The following CD226 variants were observed in gnomAD, a reference collection of about 807,000 sequenced individuals.
CD226 encodes the protein CD226 antigen.
A neutral mutation model predicts 34.9 loss-of-function variants in CD226; 24 were observed. The observed-to-expected ratio is 0.69, with a 90% CI of 0.50 to 0.97. The LOEUF (loss-of-function observed/expected upper bound fraction) is 0.97. Among genes scored for constraint, CD226 ranks in the 50% least tolerant of loss-of-function variants. CD226 has a pLI of 0.00. For synonymous variants in CD226, 148 were observed against 147.4 expected (o/e 1.00, Z -0.03); for missense variants, 397 against 412.7 (o/e 0.96, Z 0.33).
At chr18:69,929,655 C>A (rs1020299843) in intron 2 of CD226, among the ~76,000 whole-genome samples, 1 of 152,116 alleles carries the variant, frequency 6.6e-6, no homozygotes, top group East Asian at 1.9e-4. Flanking sequence ...CAAGTTCTCT[C>A]TTGGGTTCTG....
intron 2 of CD226, among the ~76,000 whole-genome samples, chr18:69,905,042 C>A (rs2055235012): frequency 6.6e-6 from 1 of 152,188 alleles, no homozygotes; most frequent in South Asian, 2.1e-4. Context: ...TAAGTGCCAG[C>A]ATTAAATGCA....
chr18:69,957,352 T>TC (rs1002976702), upstream of CD226, among the ~76,000 whole-genome samples: 2 of 151,408 alleles, frequency 1.3e-5, no homozygotes, highest in Non-Finnish European at 2.9e-5. Flanking sequence ...TAGATACTCT[T>TC]TTTTTTTTCT....
chr18:69,900,525 G>A (rs1043926372), intron 2 of CD226, among the ~76,000 whole-genome samples: 4 of 151,966 alleles, frequency 2.6e-5, no homozygotes, highest in Non-Finnish European at 2.9e-5. Flanking sequence ...GAGGTCAGGA[G>A]ATCGAGACCA....
intron 2 of CD226, among the ~76,000 whole-genome samples, chr18:69,944,891 A>G (rs1197389048): frequency 1.3e-5 from 2 of 152,256 alleles, no homozygotes; most frequent in African/African-American, 4.8e-5. Context: ...TATAAGCCTC[A>G]GCTATATACA....
intron 2 of CD226, among the ~76,000 whole-genome samples, chr18:69,899,126 A>G (rs956949138): frequency 6.6e-5 from 10 of 152,174 alleles, no homozygotes; most frequent in Non-Finnish European, 1.5e-4. Context: ...GCTTGACCAC[A>G]AATCATCCTT....
At chr18:69,914,004 T>A (rs1167974217) in intron 2 of CD226, among the ~76,000 whole-genome samples, 2 of 152,176 alleles carry the variant, frequency 1.3e-5, no homozygotes, top group Non-Finnish European at 2.9e-5. Context: ...TTGGGGGAAA[T>A]GCACTACTTC....
chr18:69,920,697 G>A (rs1415868441), intron 2 of CD226, among the ~76,000 whole-genome samples: 1 of 152,164 alleles, frequency 6.6e-6, no homozygotes, highest in African/African-American at 2.4e-5. Flanking sequence ...TGCAGCGGAT[G>A]TTTATTGAAT....
At chr18:69,892,557 T>C (rs1333434786) in intron 3 of CD226, among the ~76,000 whole-genome samples, 1 of 152,226 alleles carries the variant, frequency 6.6e-6, no homozygotes, top group Non-Finnish European at 1.5e-5. Context: ...GAGAAATGTA[T>C]TTCTTTTCAC....
rs368612906 is a variant in CD226 at position 69,930,612 on chromosome 18, AAAG to A, written c.382+16119_382+16121del. 3.0e-3 allele frequency among the ~76,000 whole-genome samples: 450 copies of A among 152,348 alleles called. 3 individuals are homozygous for A. The highest frequency in any genetic ancestry group is 0.01 in the African/African-American group (418 of 41,584). On this transcript the variant is annotated intron_variant, in intron 2 of 5. Transcript: ENST00000582621. Reference sequence around the variant, plus strand: ...AGGACCTACCTGAAGTGAGAATTAAAAAGAAGACCTTCCTCTTGTCTTGTCGAG... The same window carrying A: ...AGGACCTACCTGAAGTGAGAATTAAAAAGACCTTCCTCTTGTCTTGTCGAG...
In CD226 at chr18:69,905,517, C is replaced by T. The variant is rs1489528890; in HGVS notation, c.383-9472G>A. Among the ~76,000 whole-genome samples the T allele has an allele frequency of 5.3e-5, 8 of 152,162 alleles. No individual in the cohort carries two copies. The South Asian group carries it at 6.2e-4, about 12-fold the overall frequency. The stretch of plus-strand genomic sequence containing the variant: ...TGTCCCTGCCAAGGTGAGTGCACCG[C>T]GGGGCAGAGGGCAGAGAAGGAGAGT... On this transcript the variant is annotated intron_variant, in intron 2 of 5. Coordinates refer to ENST00000582621, the MANE Select transcript of CD226 (RefSeq NM_001303618.2).
chr18:69,949,888 T>G (rs2055834442), upstream of CD226, among the ~76,000 whole-genome samples: 1 of 151,096 alleles, frequency 6.6e-6, no homozygotes, highest in Non-Finnish European at 1.5e-5. Flanking sequence ...ACTGTCTCAC[T>G]CTATCTCAAT....
intron 2 of CD226, among the ~76,000 whole-genome samples, chr18:69,925,914 G>C (rs144564692): frequency 6.6e-6 from 1 of 152,088 alleles, no homozygotes; most frequent in Admixed American, 6.5e-5. Flanking sequence ...AGGCCGAGGC[G>C]GGCAGACCAC....
At position 69,861,637 on chromosome 18, in the gene CD226, T is replaced by C. The variant is rs947442217; in HGVS notation, c.*2677A>G. On this transcript the variant is annotated 3_prime_UTR_variant, in exon 6 of 6. Coordinates refer to ENST00000582621, the MANE Select transcript of CD226 (RefSeq NM_001303618.2). ...TTGTAAAAAGTATCTGTATTTAAAA[T>C]AGAATTTACTGGAATTCTGATCGTT... 6.7e-6 allele frequency: 1 copy of C among 149,688 alleles called. No homozygotes were observed. The highest frequency in any genetic ancestry group is 1.5e-5 in the Non-Finnish European group (1 of 67,456). The allele number at this position is 149,688 out of a possible 1,614,324, so 9.3% of individuals were successfully genotyped here.
intron 2 of CD226, among the ~76,000 whole-genome samples, chr18:69,943,193 A>T (rs976885032): frequency 1.3e-5 from 2 of 152,198 alleles, no homozygotes; most frequent in Admixed American, 6.5e-5. Context: ...CATCCTACAG[A>T]GCAGGCACCC....
chr18:69,881,975 TTTATAGCTAGAAGGTCC>T (rs1984291057), intron 3 of CD226, among the ~76,000 whole-genome samples: 1 of 152,248 alleles, frequency 6.6e-6, no homozygotes, highest in Admixed American at 6.5e-5. Flanking sequence ...CTTTCTGTGT[TTTATAGCTAGAAGGTCC>T]TAGAGTGTAA....
chr18:69,930,789 C>T (rs2055579741), intron 2 of CD226, among the ~76,000 whole-genome samples: 1 of 152,142 alleles, frequency 6.6e-6, no homozygotes, highest in Admixed American at 6.5e-5. Flanking sequence ...GCCTAAATTC[C>T]CATAGTACAG....
At chr18:69,922,284 CGTTT>C (rs1189065026) in intron 2 of CD226, among the ~76,000 whole-genome samples, 3 of 151,992 alleles carry the variant, frequency 2.0e-5, no homozygotes, top group Non-Finnish European at 1.5e-5. Context: ...CTATAATTTT[CGTTT>C]GTTTATTTTT....
In CD226 at chr18:69,864,125, T is replaced by TA. The variant is rs1982982588; in HGVS notation, c.*188dup. The TA allele has an allele frequency of 5.3e-6, 3 of 569,154 alleles. No individual in the cohort carries two copies. Among genetic ancestry groups the TA allele is most frequent in the East Asian group, 3.0e-5 (1 of 33,720 alleles). 35.3% of individuals were successfully genotyped at this position (569,154 alleles called of 1,614,324 possible). A position where few individuals can be genotyped will look rare whatever the true frequency, so the allele number is the denominator to read the frequency against. ...AGTTTTCTTTTGTATATAAACCAGT[T>TA]AGAGTCAGGTTTTCTGAAACAGTTC... On this transcript the variant is annotated 3_prime_UTR_variant, in exon 6 of 6. Coordinates refer to ENST00000582621, the MANE Select transcript of CD226 (RefSeq NM_001303618.2).
At chr18:69,934,970 GC>G (rs1320869308) in intron 2 of CD226, among the ~76,000 whole-genome samples, 1 of 152,136 alleles carries the variant, frequency 6.6e-6, no homozygotes, top group Non-Finnish European at 1.5e-5. Context: ...CATTCTGCCT[GC>G]AACCTCCTCT....
Sources: gnomAD v4.1 joint callset for allele counts (sites outside exome capture counted in the v4.1 genomes callset) on GRCh38, gnomAD v4.1.1 for gene constraint, MANE v1.5 for transcripts, NCBI Gene and HGNC (gene_info 2026-07-23, HGNC 2026-07-21) for gene names.